FCER2: variants seen among roughly 807,000 people sequenced by gnomAD.
FCER2 encodes Fc epsilon receptor II.
In FCER2, 38 loss-of-function variants were observed where a neutral mutation model predicts 49.7. The ratio of observed to expected loss-of-function variants is 0.76; its 90% CI spans 0.59 to 1.00. The LOEUF (loss-of-function observed/expected upper bound fraction) is 1.00, where lower values mean the gene tolerates loss of function less well. Among genes scored for constraint, FCER2 ranks in the 50% least tolerant of loss-of-function variants. FCER2 has a pLI of 0.00. For missense variants in FCER2, 425 were observed against 419.5 expected (o/e 1.01, Z -0.11); for synonymous variants, 163 against 164.6 (o/e 0.99, Z 0.07).
chr19:7,697,108 G>C lies in FCER2; in HGVS notation c.317-33C>G, dbSNP rs748353538. 1.9e-6 allele frequency: 3 copies of C among 1,613,162 alleles called. No individual in the cohort carries two copies. In the South Asian group the frequency reaches 3.3e-5, roughly 18 times the overall value. ...GTGCAGGAGCGCAGGGCTGGTCTCA[G>C]GGAGGATGTGTACAGGCCGAGGGTG... On this transcript the variant is annotated intron_variant, in intron 6 of 10. Coordinates refer to ENST00000597921, the MANE Select transcript of FCER2 (RefSeq NM_001220500.2).
At chr19:7,696,541 C>A (rs2033016718) in intron 8 of FCER2, among the ~76,000 whole-genome samples, 2 of 152,026 alleles carry the variant, frequency 1.3e-5, no homozygotes, top group Non-Finnish European at 2.9e-5. Context: ...TGGCCAAGAC[C>A]CCTTCTCTTA....
intron 1 of FCER2, chr19:7,700,138 A>C: frequency 4.3e-6 from 1 of 234,444 alleles, no homozygotes. Flanking sequence ...TCATTCGTAA[A>C]ATGATGATAC....
intron 1 of FCER2, among the ~76,000 whole-genome samples, chr19:7,701,794 C>A (rs931425352): frequency 6.6e-6 from 1 of 152,120 alleles, no homozygotes; most frequent in Non-Finnish European, 1.5e-5. Flanking sequence ...TCATCTCAGA[C>A]CAGATGGCCT....
In FCER2 at chr19:7,689,195, A is replaced by G; in HGVS notation, c.964T>C (p.Ter322ArgextTer29). The change falls in exon 11 of 11, where the codon TGA (stop) becomes CGA (arginine). Residue 322 changes from the stop codon to arginine, a stop_lost. Transcript: ENST00000597921. ...TCTGGGCCTGGCTGTATCCATGCTC[A>G]AGAGTGGAGAGGGGCAGAGGGGGTG... ...LPTPSAPLHS[*>R] is the part of the protein sequence containing the mutation. 1.9e-6 allele frequency: 3 copies of G among 1,603,974 alleles called. No homozygotes were observed. Among genetic ancestry groups the G allele is most frequent in the Non-Finnish European group, 2.6e-6 (3 of 1,171,410 alleles).
chr19:7,691,231 C>G (rs2032862904), intron 8 of FCER2, among the ~76,000 whole-genome samples: 1 of 152,080 alleles, frequency 6.6e-6, no homozygotes, highest in Non-Finnish European at 1.5e-5. Flanking sequence ...ACTTCAACCA[C>G]CAGCATCATC....
chr19:7,699,789 T>A lies in FCER2; in HGVS notation c.-29A>T. ...GGTCCTGCTTGGATTCTCCCGATGA[T>A]GGAGCACTCACTCCCTGACAACGCA... is the stretch of plus-strand genomic sequence containing the variant. On this transcript the variant is annotated 5_prime_UTR_variant, in exon 2 of 11. Coordinates refer to ENST00000597921, the MANE Select transcript of FCER2 (RefSeq NM_001220500.2). The A allele has an allele frequency of 1.2e-6, 2 of 1,612,104 alleles. No homozygotes were observed. The highest frequency in any genetic ancestry group is 8.5e-7 in the Non-Finnish European group (1 of 1,178,324).
intron 9 of FCER2, 45 bp from the exon 10 acceptor site, chr19:7,690,310 G>T (rs1218588476): frequency 6.2e-7 from 1 of 1,608,130 alleles, no homozygotes; most frequent in East Asian, 2.2e-5. Context: ...ATGTGCCCGG[G>T]GCCTTCCAGC....
chr19:7,695,687 C>T (rs968042847), intron 8 of FCER2, among the ~76,000 whole-genome samples: 1 of 152,048 alleles, frequency 6.6e-6, no homozygotes, highest in African/African-American at 2.4e-5. Flanking sequence ...GAGACTGAGG[C>T]GGAATGATCG....
chr19:7,699,356 C>A (rs1193129596), intron 2 of FCER2: 2 of 1,304,972 alleles, frequency 1.5e-6, no homozygotes, highest in Non-Finnish European at 2.0e-6. Context: ...CCACCTCAAG[C>A]CCCTGGCCCT....
At chr19:7,694,416 G>T (rs1417533765) in intron 8 of FCER2, among the ~76,000 whole-genome samples, 5 of 152,148 alleles carry the variant, frequency 3.3e-5, no homozygotes, top group Non-Finnish European at 7.3e-5. Flanking sequence ...ACCAGGAAGA[G>T]GACATTTCTG....
At chr19:7,689,487 G>A (rs910274311) in intron 10 of FCER2, 57 bp from the exon 11 acceptor site, 8 of 1,159,548 alleles carry the variant, frequency 6.9e-6, no homozygotes, top group Admixed American at 4.4e-5. Context: ...CCCAGTTCCC[G>A]GCAGCCCTCT....
chr19:7,698,330 C>A, intron 4 of FCER2, 26 bp downstream of exon 4: 1 of 1,542,722 alleles, frequency 6.5e-7, no homozygotes, highest in Non-Finnish European at 8.8e-7. Flanking sequence ...CTCACCCCCA[C>A]CCCCTCCACC....
Position 7,688,872 on chromosome 19 carries a change from T to C in FCER2, c.*321A>G, listed in dbSNP as rs1016246731. On this transcript the variant is annotated 3_prime_UTR_variant, in exon 11 of 11. Coordinates refer to ENST00000597921, the MANE Select transcript of FCER2 (RefSeq NM_001220500.2). ...CTCAGGTCCTGGGGTGCTGAGGAGA[T>C]GGGGCTGCATCTGGAGAGGGTGCTG... 3.0e-6 allele frequency: 1 copy of C among 334,050 alleles called. No individual in the cohort carries two copies. The highest frequency in any genetic ancestry group is 5.6e-6 in the Non-Finnish European group (1 of 179,996). 20.7% of individuals were successfully genotyped at this position (334,050 alleles called of 1,614,324 possible). A position where few individuals can be genotyped will look rare whatever the true frequency, so the allele number is the denominator to read the frequency against.
chr19:7,690,099 A>T, intron 10 of FCER2, 60 bp downstream of exon 10: 1 of 1,057,510 alleles, frequency 9.5e-7, no homozygotes. Context: ...TTATCTAGGG[A>T]GCTCCTCCCT....
Position 7,699,330 on chromosome 19 carries a change from G to C in FCER2, c.22+409C>G, listed in dbSNP as rs1489470488. 6.0e-6 allele frequency: 7 copies of C among 1,159,676 alleles called. No homozygotes were observed. In the South Asian group the frequency reaches 9.0e-5, roughly 15 times the overall value. 71.8% of individuals were successfully genotyped at this position (1,159,676 alleles called of 1,614,324 possible). The stretch of plus-strand genomic sequence containing the variant: ...AAACCTCTCCCAGACCCCACCCAAA[G>C]GTCTATCTGGATGTCCCACCTCAAG... On this transcript the variant is annotated intron_variant, in intron 2 of 10. Coordinates refer to ENST00000597921, the MANE Select transcript of FCER2 (RefSeq NM_001220500.2).
At chr19:7,696,985 C>T in intron 7 of FCER2, 28 bp downstream of exon 7, 2 of 1,567,810 alleles carry the variant, frequency 1.3e-6, no homozygotes, top group Non-Finnish European at 1.7e-6. Flanking sequence ...TTCCCTCCCC[C>T]ACTGCCCCAT....
rs770026851 is a variant in FCER2, at chr19:7,689,469, A to T, written c.729-39T>A. Reference sequence around the variant, plus strand: ...CTTTGGGTCAGGGGATGGGGCGGGGAGAAGGAGCCCAGTTCCCGGCAGCCC... The same window carrying T: ...CTTTGGGTCAGGGGATGGGGCGGGGTGAAGGAGCCCAGTTCCCGGCAGCCC... On this transcript the variant is annotated intron_variant, in intron 10 of 10. Coordinates refer to ENST00000597921, the MANE Select transcript of FCER2 (RefSeq NM_001220500.2). 147 of 1,351,364 alleles carry T rather than the reference A, an allele frequency of 1.1e-4. No homozygotes were observed. In the Admixed American group the frequency reaches 2.9e-3, roughly 27 times the overall value. 83.7% of individuals were successfully genotyped at this position (1,351,364 alleles called of 1,614,324 possible). A position where few individuals can be genotyped will look rare whatever the true frequency, so the allele number is the denominator to read the frequency against.
chr19:7,690,495 C>A lies in FCER2; in HGVS notation c.532G>T (p.Gly178Cys). The stretch of plus-strand genomic sequence containing the variant: ...TGGACCCACTGCTTGGTGCCCTTGC[C>A]GAAGTAGTAGCACTTCCGTTGGAAA... ...INFQRKCYYFGKGTKQWVHAR... is the reference protein window; with the variant it reads ...INFQRKCYYFCKGTKQWVHAR... The change falls in exon 9 of 11, where the codon GGC (glycine) becomes TGC (cysteine). Residue 178 changes from glycine to cysteine, a missense_variant. By Grantham distance (159) the Gly-to-Cys change is radical. Coordinates refer to ENST00000597921, the MANE Select transcript of FCER2 (RefSeq NM_001220500.2). 1 of 1,614,100 alleles carries A rather than the reference C, an allele frequency of 6.2e-7. No individual in the cohort carries two copies. The highest frequency in any genetic ancestry group is 8.5e-7 in the Non-Finnish European group (1 of 1,179,988).
chr19:7,697,285 T>A lies in FCER2; in HGVS notation c.267A>T (p.Ser89=). ...MAQKSQSTQI[S]QELEELRAEQ... is the part of the protein sequence containing the mutation. Reference sequence around the variant, plus strand: ...CAGCTCGAAGTTCCTCCAGTTCCTGTGAAATCTGCGTGGCTGTTTGCAGGG... The same window carrying A: ...CAGCTCGAAGTTCCTCCAGTTCCTGAGAAATCTGCGTGGCTGTTTGCAGGG... Residue 89 remains serine, a synonymous_variant, in exon 6 of 11, where the codon TCA becomes TCT. Coordinates refer to ENST00000597921, the MANE Select transcript of FCER2 (RefSeq NM_001220500.2). The A allele has an allele frequency of 6.2e-7, 1 of 1,614,184 alleles. No homozygotes were observed. The highest frequency in any genetic ancestry group is 8.5e-7 in the Non-Finnish European group (1 of 1,180,012).
Sources: allele counts gnomAD v4.1 joint callset (sites outside exome capture counted in the v4.1 genomes callset), GRCh38; gene constraint gnomAD v4.1.1; transcripts MANE v1.5; gene names NCBI Gene and HGNC (gene_info 2026-07-23, HGNC 2026-07-21).